Variants in LOC128092253 observed in about 807,000 individuals in gnomAD.
the LOC128092253 span, among the ~76,000 whole-genome samples, chr6:133,977,768 C>G: frequency 6.8e-6 from 1 of 148,050 alleles, no homozygotes; most frequent in East Asian, 1.9e-4. Context: ...TAAGGAGATT[C>G]ACAGCGTCAG....
chr6:133,954,415 C>G, the LOC128092253 span, among the ~76,000 whole-genome samples: 1 of 152,250 alleles, frequency 6.6e-6, no homozygotes, highest in East Asian at 1.9e-4. Context: ...TTCGCAGTCT[C>G]TTTGAGAAAA....
At chr6:133,973,539 A>G in the LOC128092253 span, among the ~76,000 whole-genome samples, 1 of 152,280 alleles carries the variant, frequency 6.6e-6, no homozygotes, top group African/African-American at 2.4e-5. Context: ...TAAATGCAGT[A>G]GTCTTTGATG....
At chr6:133,962,965 A>G in the LOC128092253 span, among the ~76,000 whole-genome samples, 2 of 152,228 alleles carry the variant, frequency 1.3e-5, no homozygotes, top group African/African-American at 2.4e-5. Context: ...ATCCAGGGAT[A>G]GGACATGGCA....
At chr6:133,968,208 C>T in the LOC128092253 span, among the ~76,000 whole-genome samples, 3 of 151,926 alleles carry the variant, frequency 2.0e-5, no homozygotes, top group African/African-American at 4.8e-5. Context: ...AGGATGATCT[C>T]GATCTCTTGA....
chr6:133,957,748 C>A, the LOC128092253 span, among the ~76,000 whole-genome samples: 1 of 152,154 alleles, frequency 6.6e-6, no homozygotes, highest in East Asian at 1.9e-4. Flanking sequence ...TGCCCTGAGC[C>A]CCAGTTTCCT....
the LOC128092253 span, among the ~76,000 whole-genome samples, chr6:133,974,895 A>G: frequency 2.0e-5 from 3 of 152,214 alleles, no homozygotes; most frequent in Non-Finnish European, 2.9e-5. Context: ...GAAAAAATGA[A>G]TTTTAATATC....
At chr6:133,961,268 TCAGC>T in the LOC128092253 span, among the ~76,000 whole-genome samples, 11 of 152,100 alleles carry the variant, frequency 7.2e-5, no homozygotes, top group African/African-American at 2.7e-4. Context: ...TGCCAGCAAT[TCAGC>T]CAAGTTCTAA....
At chr6:133,953,405 C>T in the LOC128092253 span, 1 of 152,942 alleles carries the variant, frequency 6.5e-6, no homozygotes, top group African/African-American at 2.4e-5. Flanking sequence ...GCGTCCTCAG[C>T]CACCGCTCCC....
the LOC128092253 span, among the ~76,000 whole-genome samples, chr6:133,963,974 G>A: frequency 6.6e-6 from 1 of 152,108 alleles, no homozygotes; most frequent in African/African-American, 2.4e-5. Context: ...CTGGGAGGCG[G>A]AGGTTGCAAT....
chr6:133,976,311 C>G, the LOC128092253 span, among the ~76,000 whole-genome samples: 5 of 151,918 alleles, frequency 3.3e-5, no homozygotes, highest in African/African-American at 1.2e-4. Flanking sequence ...GTTCATACAC[C>G]AAATAATTGA....
chr6:133,957,079 TCTGTGA>T, the LOC128092253 span, among the ~76,000 whole-genome samples: 1 of 152,182 alleles, frequency 6.6e-6, no homozygotes, highest in Non-Finnish European at 1.5e-5. Context: ...ATTCTACTTG[TCTGTGA>T]CTAAAGGGTG....
chr6:133,961,465 CTTTTTTTTTTTT>C, the LOC128092253 span, among the ~76,000 whole-genome samples: 3 of 100,200 alleles, frequency 3.0e-5, no homozygotes, highest in African/African-American at 1.2e-4. Flanking sequence ...TTCTTTCTTT[CTTTTTTTTTTTT>C]TTTTTTTTTG....
chr6:133,957,915 A>G, the LOC128092253 span, among the ~76,000 whole-genome samples: 1 of 152,234 alleles, frequency 6.6e-6, no homozygotes, highest in African/African-American at 2.4e-5. Context: ...CTGTTGGACC[A>G]CTTGGATGCT....
At chr6:133,959,640 C>A in the LOC128092253 span, among the ~76,000 whole-genome samples, 1 of 152,104 alleles carries the variant, frequency 6.6e-6, no homozygotes, top group East Asian at 1.9e-4. Flanking sequence ...CACCACCACA[C>A]CTGGCCATTT....
the LOC128092253 span, among the ~76,000 whole-genome samples, chr6:133,979,628 G>A: frequency 2.0e-5 from 3 of 152,124 alleles, no homozygotes; most frequent in Non-Finnish European, 2.9e-5. Flanking sequence ...GACATTTTTA[G>A]TGGGGAAAAG....
At chr6:133,972,457 TTTGGGCTTGTCCAGTAA>T in the LOC128092253 span, among the ~76,000 whole-genome samples, 3 of 152,238 alleles carry the variant, frequency 2.0e-5, no homozygotes, top group Non-Finnish European at 4.4e-5. Context: ...GTAGTGCCTC[TTTGGGCTTGTCCAGTAA>T]TCAGCAAACT....
chr6:133,957,597 A>G, the LOC128092253 span, among the ~76,000 whole-genome samples: 2 of 152,264 alleles, frequency 1.3e-5, no homozygotes, highest in African/African-American at 2.4e-5. Context: ...AGTTTTGATC[A>G]GAATCAGTTA....
At chr6:133,960,781 G>A in the LOC128092253 span, among the ~76,000 whole-genome samples, 8 of 152,252 alleles carry the variant, frequency 5.3e-5, no homozygotes, top group South Asian at 2.1e-4. Context: ...TCTGATGACC[G>A]GCTATAGTGG....
chr6:133,974,500 A>T, the LOC128092253 span, among the ~76,000 whole-genome samples: 1 of 152,074 alleles, frequency 6.6e-6, no homozygotes. Context: ...CGCCCGGCTG[A>T]TTTTTGTATT....
Sources: allele counts gnomAD v4.1 joint callset (sites outside exome capture counted in the v4.1 genomes callset), GRCh38; gene constraint gnomAD v4.1.1; transcripts MANE v1.5.